FMN2: variants seen among roughly 807,000 people sequenced by gnomAD.
FMN2 encodes the protein formin-2.
FMN2 carries 51 observed loss-of-function variants against 142.3 expected under a neutral mutation model. That is an observed-to-expected ratio of 0.36 (90% CI 0.29 to 0.45). The LOEUF is 0.45. FMN2 is among the 20% of genes least tolerant of loss of function. The probability of loss-of-function intolerance (pLI) is 1.00; values close to 1 mark genes in which losing one functional copy is unlikely to be tolerated. For synonymous variants in FMN2, 882 were observed against 869.8 expected (o/e 1.01, Z -0.25); for missense variants, 1,936 against 2,122.8 (o/e 0.91, Z 1.73).
intron 1 of FMN2, among the ~76,000 whole-genome samples, chr1:240,102,864 A>ATTT (rs112563396): frequency 1.4e-5 from 2 of 138,466 alleles, no homozygotes. Flanking sequence ...TGATCCTTTA[A>ATTT]TTTTTTTTTT....
At chr1:240,167,383 A>G (rs1478497070) in intron 2 of FMN2, among the ~76,000 whole-genome samples, 3 of 152,100 alleles carry the variant, frequency 2.0e-5, no homozygotes, top group Non-Finnish European at 4.4e-5. Flanking sequence ...CCTGGGCTCA[A>G]GTGAATTTCC....
At chr1:240,388,610 A>T (rs529321169) in intron 14 of FMN2, among the ~76,000 whole-genome samples, 12 of 152,024 alleles carry the variant, frequency 7.9e-5, no homozygotes, top group Non-Finnish European at 1.6e-4. Flanking sequence ...TTCTGTCAAA[A>T]GTGGTCTTTG....
chr1:240,228,337 AAG>A (rs1667412817), intron 6 of FMN2, among the ~76,000 whole-genome samples: 2 of 82,126 alleles, frequency 2.4e-5, no homozygotes, highest in African/African-American at 1.3e-4. Flanking sequence ...AAAAAAGAAA[AAG>A]AAAAAGAAAA....
At chr1:240,454,724 G>A (rs369203705) in intron 16 of FMN2, among the ~76,000 whole-genome samples, 74 of 152,250 alleles carry the variant, frequency 4.9e-4, no homozygotes, top group African/African-American at 1.6e-3. Flanking sequence ...AAACACAGAG[G>A]TTGGAGTTAG....
At chr1:240,387,426 A>G (rs1234144088) in intron 14 of FMN2, among the ~76,000 whole-genome samples, 1 of 152,210 alleles carries the variant, frequency 6.6e-6, no homozygotes, top group Non-Finnish European at 1.5e-5. Context: ...CACATGAAGT[A>G]TTATCTTATC....
At chr1:240,380,672 C>A (rs1673193345) in intron 14 of FMN2, among the ~76,000 whole-genome samples, 1 of 146,370 alleles carries the variant, frequency 6.8e-6, no homozygotes, top group Non-Finnish European at 1.5e-5. Context: ...CATTGCATCT[C>A]AAGGAGCTAG....
rs144063579 is a variant in FMN2, at chr1:240,225,410, C to T, written c.4065+14175C>T. Among the ~76,000 whole-genome samples the T allele has an allele frequency of 1.4e-3, 209 of 152,282 alleles. 2 individuals are homozygous for T. In the Middle Eastern group the frequency reaches 0.02, roughly 15 times the overall value. ...CACTGATAAATGGCTCATGCCCATT[C>T]AGGGGTGACCCATAGGTAGCCAGGC... On this transcript the variant is annotated intron_variant, in intron 6 of 17. Coordinates refer to ENST00000319653, the MANE Select transcript of FMN2 (RefSeq NM_020066.5).
At chr1:240,209,164 T>G (rs1218603022) in intron 5 of FMN2, among the ~76,000 whole-genome samples, 1 of 152,190 alleles carries the variant, frequency 6.6e-6, no homozygotes, top group Non-Finnish European at 1.5e-5. Flanking sequence ...TTATTTTCCA[T>G]GTAAGAATCT....
At chr1:240,242,482 T>C (rs985148801) in intron 6 of FMN2, among the ~76,000 whole-genome samples, 2 of 152,046 alleles carry the variant, frequency 1.3e-5, no homozygotes, top group African/African-American at 4.8e-5. Flanking sequence ...GATCATAGAC[T>C]AAATAAGAAT....
At chr1:240,186,297 A>G (rs1005831354) in intron 3 of FMN2, among the ~76,000 whole-genome samples, 2 of 152,062 alleles carry the variant, frequency 1.3e-5, no homozygotes, top group African/African-American at 2.4e-5. Context: ...TTGATCTTTC[A>G]TTTATTCTTT....
chr1:240,102,609 G>A (rs1339131525), intron 1 of FMN2, among the ~76,000 whole-genome samples: 1 of 152,012 alleles, frequency 6.6e-6, no homozygotes, highest in Non-Finnish European at 1.5e-5. Flanking sequence ...TGTCCTTTTG[G>A]TGCTATTTTG....
Position 240,333,882 on chromosome 1 carries a change from C to T in FMN2, c.4585-5C>T. On this transcript the variant is annotated splice_region_variant and splice_polypyrimidine_tract_variant and intron_variant, in intron 11 of 17. Coordinates refer to ENST00000319653, the MANE Select transcript of FMN2 (RefSeq NM_020066.5). ...ATTGTCACTGACTTTGGTCTTTCTG[C>T]CTAGGACAATAGCAGAAGCCTTTTG... is the stretch of plus-strand genomic sequence containing the variant. 1 of 1,600,784 alleles carries T rather than the reference C, an allele frequency of 6.2e-7. No individual in the cohort carries two copies. Among genetic ancestry groups the T allele is most frequent in the Non-Finnish European group, 8.5e-7 (1 of 1,174,856 alleles).
intron 2 of FMN2, among the ~76,000 whole-genome samples, chr1:240,142,352 A>C (rs1663219438): frequency 1.3e-5 from 2 of 152,140 alleles, no homozygotes; most frequent in Admixed American, 1.3e-4. Context: ...TTTGAATCTG[A>C]AAGTTACCTC....
At chr1:240,229,518 T>C (rs1436254719) in intron 6 of FMN2, among the ~76,000 whole-genome samples, 2 of 152,238 alleles carry the variant, frequency 1.3e-5, no homozygotes, top group African/African-American at 2.4e-5. Context: ...GGACTTAATA[T>C]GCTGCTATGA....
chr1:240,431,692 A>AT (rs1032101022), intron 15 of FMN2, among the ~76,000 whole-genome samples: 4 of 151,110 alleles, frequency 2.6e-5, no homozygotes, highest in Non-Finnish European at 4.4e-5. Flanking sequence ...ACTGGTGTTG[A>AT]TTTTTTTCCA....
chr1:240,295,558 C>G (rs916910970), intron 8 of FMN2, among the ~76,000 whole-genome samples: 1 of 149,974 alleles, frequency 6.7e-6, no homozygotes. Context: ...TAGCATTATG[C>G]CCTCCAGGTT....
intron 2 of FMN2, among the ~76,000 whole-genome samples, chr1:240,162,980 G>A (rs1308392669): frequency 6.6e-6 from 1 of 152,020 alleles, no homozygotes; most frequent in Non-Finnish European, 1.5e-5. Context: ...TTAAAATGCT[G>A]ACTCTGTTGT....
At chr1:240,388,227 C>CAAAAAAAAAAAAAA (rs761610582) in intron 14 of FMN2, among the ~76,000 whole-genome samples, 2 of 6,054 alleles carry the variant, frequency 3.3e-4, no homozygotes, top group Non-Finnish European at 5.3e-4. Flanking sequence ...GTGCTCAAAG[C>CAAAAAAAAAAAAAA]AAAAAAAAAA....
intron 1 of FMN2, among the ~76,000 whole-genome samples, chr1:240,105,704 A>G (rs1351074769): frequency 6.6e-6 from 1 of 152,026 alleles, no homozygotes; most frequent in African/African-American, 2.4e-5. Flanking sequence ...CTTTAGTTTT[A>G]TTTCTAGTTG....
Sources: allele counts gnomAD v4.1 joint callset (sites outside exome capture counted in the v4.1 genomes callset), GRCh38; gene constraint gnomAD v4.1.1; transcripts MANE v1.5; gene names NCBI Gene and HGNC (gene_info 2026-07-23, HGNC 2026-07-21).